Variants in GRIK1 observed in about 807,000 individuals in gnomAD.
The protein encoded by GRIK1 is glutamate ionotropic receptor kainate type subunit 1, also known as glutamate receptor ionotropic, kainate 1.
Under a neutral mutation model 105.7 loss-of-function variants are expected in GRIK1, and 69 were observed. The ratio of observed to expected loss-of-function variants is 0.65; its 90% confidence interval spans 0.54 to 0.80. GRIK1 has a LOEUF of 0.80. Among genes scored for constraint, GRIK1 ranks in the 30% least tolerant of loss-of-function variants. The pLI, the probability that GRIK1 is intolerant of heterozygous loss-of-function variation, is 0.00. For missense variants in GRIK1, 1,109 were observed against 1,167.3 expected (o/e 0.95, Z 0.73); for synonymous variants, 438 against 431.3 (o/e 1.02, Z -0.19).
At chr21:29,844,921 G>A (rs1029884803) in intron 1 of GRIK1, among the ~76,000 whole-genome samples, 3 of 152,116 alleles carry the variant, frequency 2.0e-5, no homozygotes, top group African/African-American at 4.8e-5. Context: ...TATACCAGAA[G>A]GGGAATTCAG....
intron 1 of GRIK1, among the ~76,000 whole-genome samples, chr21:29,920,735 C>T (rs2071164013): frequency 6.6e-6 from 1 of 151,948 alleles, no homozygotes; most frequent in Non-Finnish European, 1.5e-5. Context: ...GAGTGAAGTG[C>T]ATTTGCATAC....
At chr21:29,787,107 C>T (rs577419340) in intron 1 of GRIK1, among the ~76,000 whole-genome samples, 74 of 152,224 alleles carry the variant, frequency 4.9e-4, no homozygotes, top group Non-Finnish European at 1.0e-3. Flanking sequence ...CTCAAGCAGG[C>T]GATTTTAAGA....
At chr21:29,862,984 G>T (rs1242472458) in intron 1 of GRIK1, among the ~76,000 whole-genome samples, 1 of 152,172 alleles carries the variant, frequency 6.6e-6, no homozygotes, top group Admixed American at 6.5e-5. Flanking sequence ...GATTTATAAA[G>T]ATTCTGATTT....
chr21:29,888,932 C>G (rs946541839), intron 1 of GRIK1, among the ~76,000 whole-genome samples: 10 of 152,116 alleles, frequency 6.6e-5, no homozygotes, highest in African/African-American at 2.4e-4. Context: ...AATGGCAACA[C>G]AAAATATTCC....
intron 14 of GRIK1, among the ~76,000 whole-genome samples, chr21:29,563,018 T>G (rs2090521006): frequency 6.6e-6 from 1 of 152,188 alleles, no homozygotes; most frequent in African/African-American, 2.4e-5. Context: ...ATTTTTTTTT[T>G]TAATTTTTCT....
chr21:29,852,808 T>C (rs1390989689), intron 1 of GRIK1, among the ~76,000 whole-genome samples: 1 of 152,250 alleles, frequency 6.6e-6, no homozygotes, highest in African/African-American at 2.4e-5. Context: ...AATTACTACA[T>C]TTCAAAGTTA....
intron 7 of GRIK1, among the ~76,000 whole-genome samples, chr21:29,601,818 T>C (rs954463580): frequency 1.3e-5 from 2 of 152,282 alleles, no homozygotes; most frequent in South Asian, 2.1e-4. Context: ...TGGAAGCTTG[T>C]CAGTCAAACC....
chr21:29,787,924 G>T (rs1046358529), intron 1 of GRIK1, among the ~76,000 whole-genome samples: 4 of 152,118 alleles, frequency 2.6e-5, no homozygotes, highest in Non-Finnish European at 5.9e-5. Flanking sequence ...CGTTTATCCT[G>T]ATCTCCCAAG....
At chr21:29,901,527 A>G (rs1178843288) in intron 1 of GRIK1, among the ~76,000 whole-genome samples, 1 of 142,562 alleles carries the variant, frequency 7.0e-6, no homozygotes, top group Admixed American at 6.9e-5. Flanking sequence ...CTCTACACAA[A>G]TAAACCAGAA....
At chr21:29,680,350 G>T (rs965373830) in intron 3 of GRIK1, among the ~76,000 whole-genome samples, 4 of 152,190 alleles carry the variant, frequency 2.6e-5, no homozygotes, top group African/African-American at 7.2e-5. Context: ...TATCCTCTCA[G>T]ATATTATGCC....
chr21:29,631,921 G>C (rs939784404), intron 7 of GRIK1, among the ~76,000 whole-genome samples: 24 of 151,942 alleles, frequency 1.6e-4, no homozygotes, highest in African/African-American at 4.1e-4. Context: ...TTGTGCATGA[G>C]AGCCTATTAC....
chr21:29,765,959 C>T (rs934554411), intron 1 of GRIK1, among the ~76,000 whole-genome samples: 2 of 151,880 alleles, frequency 1.3e-5, no homozygotes, highest in Non-Finnish European at 2.9e-5. Context: ...TCACGCCATT[C>T]TCCTGCCTCA....
Position 29,885,359 on chromosome 21 carries a change from A to G in GRIK1, c.118+54024T>C, listed in dbSNP as rs568161563. Among the ~76,000 whole-genome samples the G allele has an allele frequency of 2.0e-5, 3 of 152,202 alleles. No individual in the cohort carries two copies. The East Asian group carries it at 5.8e-4, about 29-fold the overall frequency. On this transcript the variant is annotated intron_variant, in intron 1 of 17. Coordinates refer to ENST00000327783, the MANE Select transcript of GRIK1 (RefSeq NM_001330994.2). ...TCTTCTCATACCACAACCCTGACCT[A>G]GCTGTAGTTGGTTTACAGTGGGACT... is the stretch of plus-strand genomic sequence containing the variant.
At chr21:29,859,216 G>A (rs1377549464) in intron 1 of GRIK1, among the ~76,000 whole-genome samples, 3 of 150,044 alleles carry the variant, frequency 2.0e-5, no homozygotes, top group African/African-American at 7.4e-5. Flanking sequence ...CTGTTGTGGG[G>A]TGGGGGGAGG....
intron 7 of GRIK1, among the ~76,000 whole-genome samples, chr21:29,622,340 T>C (rs2062023945): frequency 6.6e-6 from 1 of 152,210 alleles, no homozygotes; most frequent in Non-Finnish European, 1.5e-5. Flanking sequence ...GAATTGCTAT[T>C]CTGGTCTTGT....
At position 29,587,586 on chromosome 21, in the gene GRIK1, C is replaced by A. The variant is rs1231233286; in HGVS notation, c.1573G>T (p.Ala525Ser). ...GMVKELIDHR[A>S]DLAVAPLTIT... ...GTAAGAGGAGCCACTGCCAGGTCAG[C>A]CCTCTGCAAAAGCAAGTCCAAAATT... The change falls in exon 12 of 18, where the codon GCT (alanine) becomes TCT (serine). Residue 525 changes from alanine (A) to serine (S), a missense_variant. Physicochemically the swap from Ala to Ser is moderately conservative, Grantham distance 99 (BLOSUM62 1). Around this residue, in one of 5 missense-constraint regions of GRIK1, gnomAD observed 54 missense variants for 88.1 expected, o/e 0.61. Transcript: ENST00000327783. 6.2e-7 allele frequency: 1 copy of A among 1,604,852 alleles called. No homozygotes were observed. Among genetic ancestry groups the A allele is most frequent in the Non-Finnish European group, 8.5e-7 (1 of 1,172,444 alleles).
In GRIK1 at chr21:29,776,915, T is replaced by C. The variant is rs540683117; in HGVS notation, c.119-82852A>G. Reference sequence around the variant, plus strand: ...GCTTGAACTGTTCAGATACAGTTTTTACCCTCATAAACTCTGTCTACCGAG... The same window carrying C: ...GCTTGAACTGTTCAGATACAGTTTTCACCCTCATAAACTCTGTCTACCGAG... On this transcript the variant is annotated intron_variant, in intron 1 of 17. Coordinates refer to ENST00000327783, the MANE Select transcript of GRIK1 (RefSeq NM_001330994.2). Among the ~76,000 whole-genome samples the C allele has an allele frequency of 2.0e-5, 3 of 152,294 alleles. No homozygotes were observed. The South Asian group carries it at 6.2e-4, about 32-fold the overall frequency.
At chr21:29,594,265 T>G (rs2061371914) in intron 9 of GRIK1, among the ~76,000 whole-genome samples, 1 of 152,176 alleles carries the variant, frequency 6.6e-6, no homozygotes, top group Non-Finnish European at 1.5e-5. Flanking sequence ...TGGCTTTATC[T>G]GTTACTTGAA....
At chr21:29,695,441 T>TATC in intron 1 of GRIK1, among the ~76,000 whole-genome samples, 1 of 121,570 alleles carries the variant, frequency 8.2e-6, no homozygotes, top group South Asian at 2.5e-4. Context: ...TATCAATATC[T>TATC]ATCTATCTAT....
Sources: allele counts gnomAD v4.1 joint callset (sites outside exome capture counted in the v4.1 genomes callset), GRCh38; gene constraint gnomAD v4.1.1; regional missense constraint gnomAD v4.1.1; transcripts MANE v1.5; gene names NCBI Gene and HGNC (gene_info 2026-07-23, HGNC 2026-07-21).